Variants in MAP3K5 observed in about 807,000 individuals in gnomAD.
MAP3K5 encodes the protein mitogen-activated protein kinase kinase kinase 5.
MAP3K5 carries 56 observed loss-of-function variants against 158.7 expected under a neutral mutation model. The ratio of observed to expected loss-of-function variants is 0.35; its 90% CI spans 0.28 to 0.44. MAP3K5 has a LOEUF of 0.44. MAP3K5 is among the 20% of genes least tolerant of loss of function. The pLI is 1.00. For missense variants in MAP3K5, 1,294 were observed against 1,674.8 expected, an observed-to-expected ratio of 0.77 and a Z score of 3.97; for synonymous variants, 579 against 601.7, an observed-to-expected ratio of 0.96 and a Z score of 0.55.
intron 21 of MAP3K5, among the ~76,000 whole-genome samples, chr6:136,594,798 G>A (rs561393117): frequency 7.9e-5 from 12 of 151,242 alleles, no homozygotes; most frequent in African/African-American, 2.7e-4. Context: ...GTGTGTTTCC[G>A]TGTTTGTGTG....
At chr6:136,656,887 G>A (rs1778776743) in intron 9 of MAP3K5, among the ~76,000 whole-genome samples, 1 of 152,186 alleles carries the variant, frequency 6.6e-6, no homozygotes, top group Non-Finnish European at 1.5e-5. Flanking sequence ...CTCCCAACGT[G>A]CTGGGATTGC....
intron 29 of MAP3K5, among the ~76,000 whole-genome samples, 182 bp from the exon 30 acceptor site, chr6:136,558,000 C>A (rs988372579): frequency 1.4e-4 from 21 of 152,202 alleles, no homozygotes; most frequent in African/African-American, 5.1e-4. Context: ...CTTCCCTTTT[C>A]ACTCCCACAA....
At chr6:136,632,012 G>C (rs569661111) in intron 14 of MAP3K5, among the ~76,000 whole-genome samples, 6 of 152,162 alleles carry the variant, frequency 3.9e-5, no homozygotes, top group Non-Finnish European at 8.8e-5. Context: ...ACAGGACCTG[G>C]ATCTGAAAAA....
Position 136,791,864 on chromosome 6 carries a change from G to A in MAP3K5, c.294C>T (p.Asn98=), listed in dbSNP as rs376290248. 6.2e-7 allele frequency: 1 copy of A among 1,613,716 alleles called. No homozygotes were observed. The highest frequency in any genetic ancestry group is 1.1e-5 in the South Asian group (1 of 91,086). The change falls in exon 1 of 30, where the codon AAC becomes AAT. Residue 98 remains asparagine (N), a synonymous_variant. Coordinates refer to ENST00000359015, the MANE Select transcript of MAP3K5 (RefSeq NM_005923.4). The part of the protein sequence containing the change: ...SRRTTVAYVI[N]EASQGQLVVA... ...CCACCAGTTGCCCTTGGCTCGCTTC[G>A]TTGATCACATATGCCACCGTGGTCC...
chr6:136,575,475 C>T (rs542195511), intron 25 of MAP3K5, among the ~76,000 whole-genome samples: 9 of 152,254 alleles, frequency 5.9e-5, no homozygotes, highest in African/African-American at 1.4e-4. Context: ...TGACACAATA[C>T]TATTAACTAA....
At position 136,763,763 on chromosome 6, in the gene MAP3K5, G is replaced by A. The variant is rs76190312; in HGVS notation, c.448+27947C>T. Among the ~76,000 whole-genome samples the A allele has an allele frequency of 4.2e-3, 644 of 152,234 alleles. 4 individuals carry two copies. Among genetic ancestry groups the A allele is most frequent in the African/African-American group, 0.015 (614 of 41,540 alleles). On this transcript the variant is annotated intron_variant, in intron 1 of 29. Coordinates refer to ENST00000359015, the MANE Select transcript of MAP3K5 (RefSeq NM_005923.4). ...GTGAAATTTAATCTCCAATATGGGC[G>A]TATTGAGAGGTGGGGCCTCTAGGAG...
At chr6:136,714,659 T>A (rs1310820193) in intron 2 of MAP3K5, among the ~76,000 whole-genome samples, 3 of 152,188 alleles carry the variant, frequency 2.0e-5, no homozygotes, top group Admixed American at 2.0e-4. Context: ...AATGCTACCA[T>A]GAACATGGGT....
Position 136,567,757 on chromosome 6 carries a change from G to A in MAP3K5, c.3635C>T (p.Ala1212Val). 6.2e-7 allele frequency: 1 copy of A among 1,614,116 alleles called. No homozygotes were observed. Residue 1212 changes from alanine (A) to valine (V), a missense_variant, in exon 26 of 30, where the codon GCT becomes GTT. Around this residue, in one of 5 missense-constraint regions of MAP3K5, gnomAD observed 199 missense variants for 220.3 expected, o/e 0.90. Transcript: ENST00000359015. ...GGTAGCCACAGCATCTTCAATGACA[G>A]CCTGAGGTCTTCGGACAGTTTGATT... is the stretch of plus-strand genomic sequence containing the variant. The part of the protein sequence containing the change: ...PSNQTVRRPQ[A>V]VIEDAVATSG...
intron 1 of MAP3K5, among the ~76,000 whole-genome samples, chr6:136,747,454 C>T (rs908452898): frequency 3.3e-5 from 5 of 152,048 alleles, no homozygotes; most frequent in Admixed American, 1.3e-4. Context: ...TTTTCTGGGG[C>T]GAAACAAACT....
Position 136,613,557 on chromosome 6 carries a change from T to C in MAP3K5, c.2279-301A>G, listed in dbSNP as rs1211196322. On this transcript the variant is annotated intron_variant, in intron 16 of 29. Transcript: ENST00000359015. This position sits in a 1 kb window ranked among gnomAD's most constrained non-coding sequence, Gnocchi z 4.0. ...TCTCTGTGAAATTACATAATTCACA[T>C]GTAAAGCTTCTAGAACTTTAAATTA... Among the ~76,000 whole-genome samples the C allele has an allele frequency of 6.6e-6, 1 of 152,222 alleles. No individual in the cohort carries two copies. Among genetic ancestry groups the C allele is most frequent in the Non-Finnish European group, 1.5e-5 (1 of 68,044 alleles).
At chr6:136,739,230 A>T (rs1269812627) in intron 1 of MAP3K5, among the ~76,000 whole-genome samples, 2 of 152,168 alleles carry the variant, frequency 1.3e-5, no homozygotes, top group Non-Finnish European at 2.9e-5. Flanking sequence ...AGGCATTACA[A>T]ATGGCCATGG....
At chr6:136,642,793 A>G (rs564733832) in intron 11 of MAP3K5, among the ~76,000 whole-genome samples, 3 of 152,332 alleles carry the variant, frequency 2.0e-5, no homozygotes, top group Non-Finnish European at 4.4e-5. Flanking sequence ...ACAGCTTCCA[A>G]AAGAGCCTAG....
chr6:136,567,718 G>A lies in MAP3K5; in HGVS notation c.3674C>T (p.Thr1225Met), dbSNP rs927431694. The A allele has an allele frequency of 4.3e-6, 7 of 1,613,958 alleles. No homozygotes were observed. Among genetic ancestry groups the A allele is most frequent in the Non-Finnish European group, 5.9e-6 (7 of 1,180,010 alleles). Reference sequence around the variant, plus strand: ...ATCATGAGACACAGTAGAACTGAGCGTGCTCACGCCTGAGGTAGCCACAGC... The same window carrying A: ...ATCATGAGACACAGTAGAACTGAGCATGCTCACGCCTGAGGTAGCCACAGC... ...EDAVATSGVS[T>M]LSSTVSHDSQ... Residue 1225 changes from threonine (T) to methionine (M), a missense_variant, in exon 26 of 30, where the codon ACG becomes ATG. Physicochemically the swap from Thr to Met is moderately conservative, Grantham distance 81. Transcript: ENST00000359015.
At chr6:136,661,731 C>T (rs754716485) in intron 8 of MAP3K5, among the ~76,000 whole-genome samples, 7 of 152,010 alleles carry the variant, frequency 4.6e-5, no homozygotes, top group South Asian at 2.1e-4. Flanking sequence ...TTTGTAGAGA[C>T]GGTCTCATTC....
At chr6:136,675,859 G>A (rs996882038) in intron 7 of MAP3K5, among the ~76,000 whole-genome samples, 7 of 152,046 alleles carry the variant, frequency 4.6e-5, no homozygotes, top group African/African-American at 9.7e-5. Context: ...AAACTCCTAG[G>A]CAGACTTCTC....
chr6:136,767,095 A>C (rs1783997991), intron 1 of MAP3K5, among the ~76,000 whole-genome samples: 1 of 152,202 alleles, frequency 6.6e-6, no homozygotes, highest in Non-Finnish European at 1.5e-5. Context: ...TAAATCACAA[A>C]GGACAAGTTT....
At chr6:136,604,854 A>T (rs756316816) in intron 19 of MAP3K5, among the ~76,000 whole-genome samples, 1 of 152,178 alleles carries the variant, frequency 6.6e-6, no homozygotes, top group East Asian at 1.9e-4. Context: ...TCCTAAATGG[A>T]TTATAAAAAA....
intron 10 of MAP3K5, among the ~76,000 whole-genome samples, chr6:136,655,823 T>C (rs777430064): frequency 1.3e-5 from 2 of 152,118 alleles, no homozygotes; most frequent in African/African-American, 4.8e-5. Context: ...TCATTTCCCA[T>C]GGTCTAAAAC....
intron 27 of MAP3K5, 32 bp from the exon 28 acceptor site, chr6:136,561,677 T>A (rs777981303): frequency 8.0e-7 from 1 of 1,255,854 alleles, no homozygotes; most frequent in Non-Finnish European, 1.2e-6. Flanking sequence ...ATATTCTTAA[T>A]TTCACCTAAC....
Sources: gnomAD v4.1 joint callset for allele counts (sites outside exome capture counted in the v4.1 genomes callset) on GRCh38, gnomAD v4.1.1 for gene constraint, gnomAD v4.1.1 regional missense constraint, Gnocchi (gnomAD v3.1) non-coding constraint, MANE v1.5 for transcripts, NCBI Gene and HGNC (gene_info 2026-07-23, HGNC 2026-07-21) for gene names.